The following XIRP2 variants were observed in gnomAD, a reference collection of about 807,000 sequenced individuals.
XIRP2 encodes xin actin-binding repeat-containing protein 2.
A neutral mutation model predicts 277.0 loss-of-function variants in XIRP2; 236 were observed. That is an observed-to-expected ratio of 0.85 (90% CI 0.77 to 0.95). The LOEUF is 0.95. Ranked by LOEUF, XIRP2 falls within the 40% of genes least tolerant of loss-of-function variation. The pLI is 0.00. For missense variants in XIRP2, 4,640 were observed against 4,157.5 expected (o/e 1.12, Z -3.19); for synonymous variants, 1,490 against 1,416.5 (o/e 1.05, Z -1.17).
intron 3 of XIRP2, among the ~76,000 whole-genome samples, chr2:167,169,688 T>G (rs1447369906): frequency 6.6e-6 from 1 of 152,202 alleles, no homozygotes; most frequent in African/African-American, 2.4e-5. Flanking sequence ...AGTGGTAAAG[T>G]TTCTTTAATT....
chr2:166,928,327 C>T lies in XIRP2; in HGVS notation c.408+24437C>T, dbSNP rs140419609. ...ATGTGTTATAAGCCAGTGAGCACCA[C>T]TGAGCTCTGAAAAAGCTTAGAGAGG... On this transcript the variant is annotated intron_variant, in intron 2 of 10. Transcript: ENST00000409195. Among the ~76,000 whole-genome samples the T allele has an allele frequency of 1.8e-4, 27 of 152,226 alleles. No individual in the cohort carries two copies. In the East Asian group the frequency reaches 5.0e-3, roughly 28 times the overall value.
rs150551694 is a variant in XIRP2, at chr2:167,213,804, T to G, written c.723+2909T>G. On this transcript the variant is annotated intron_variant, in intron 4 of 10. Coordinates refer to ENST00000409195, the MANE Select transcript of XIRP2 (RefSeq NM_152381.6). ...GTGTAAACTTTCATCTACCCGCAAG[T>G]GGAACAAGGAAACCTTAGCACCGCC... 7.2e-3 allele frequency among the ~76,000 whole-genome samples: 1,091 copies of G among 152,244 alleles called. 5 individuals carry two copies. The highest frequency in any genetic ancestry group is 0.011 in the Non-Finnish European group (736 of 68,006).
rs1312171158 is a variant in XIRP2 at position 167,243,838 on chromosome 2, C to T, written c.2446C>T (p.Pro816Ser). The T allele has an allele frequency of 1.9e-6, 3 of 1,613,688 alleles. No homozygotes were observed. The highest frequency in any genetic ancestry group is 2.7e-5 in the African/African-American group (2 of 74,858). The change falls in exon 9 of 11, where the codon CCT becomes TCT. Residue 816 changes from proline (P) to serine (S), a missense_variant. Coordinates refer to ENST00000409195, the MANE Select transcript of XIRP2 (RefSeq NM_152381.6). Reference sequence around the variant, plus strand: ...GGCAAAGTGGTTATTTGAAACCCAACCTTTGGAGAAAATCAAAGAGTCAGA... The same window carrying T: ...GGCAAAGTGGTTATTTGAAACCCAATCTTTGGAGAAAATCAAAGAGTCAGA... Reference protein sequence around the residue: ...SKAKWLFETQPLEKIKESEEV... With the variant: ...SKAKWLFETQSLEKIKESEEV...
At chr2:167,091,510 C>T (rs1690146580) in intron 2 of XIRP2, among the ~76,000 whole-genome samples, 1 of 152,038 alleles carries the variant, frequency 6.6e-6, no homozygotes, top group African/African-American at 2.4e-5. Context: ...CCTTTTTCTC[C>T]CTCTATAATT....
At chr2:167,051,774 CA>C (rs1553482369) in intron 2 of XIRP2, among the ~76,000 whole-genome samples, 1 of 151,966 alleles carries the variant, frequency 6.6e-6, no homozygotes, top group Non-Finnish European at 1.5e-5. Context: ...GAAATTTTGT[CA>C]AGCACATTTG....
At chr2:167,087,158 A>G (rs1223036647) in intron 2 of XIRP2, among the ~76,000 whole-genome samples, 1 of 152,048 alleles carries the variant, frequency 6.6e-6, no homozygotes. Context: ...TTTTCCTTCT[A>G]ACAGACAGGA....
intron 3 of XIRP2, among the ~76,000 whole-genome samples, chr2:167,171,278 T>C (rs1037317288): frequency 6.6e-6 from 1 of 152,116 alleles, no homozygotes; most frequent in Admixed American, 6.6e-5. Flanking sequence ...AATTTAAACA[T>C]GTTTTTAGCA....
intron 2 of XIRP2, among the ~76,000 whole-genome samples, chr2:166,934,921 G>C (rs1685451086): frequency 6.6e-6 from 1 of 152,046 alleles, no homozygotes; most frequent in African/African-American, 2.4e-5. Flanking sequence ...GTCTCAGCTA[G>C]TCGGGAAGCT....
chr2:167,220,816 G>A (rs564140971), intron 5 of XIRP2, among the ~76,000 whole-genome samples: 2 of 152,230 alleles, frequency 1.3e-5, no homozygotes, highest in East Asian at 3.9e-4. Context: ...AATATATGCT[G>A]GGTAAAAACA....
intron 2 of XIRP2, among the ~76,000 whole-genome samples, chr2:167,117,582 C>A (rs1183064863): frequency 6.6e-6 from 1 of 152,208 alleles, no homozygotes; most frequent in Non-Finnish European, 1.5e-5. Context: ...TCTCACTAAC[C>A]TTTGTGATGT....
chr2:167,024,535 T>G (rs1239438977), intron 2 of XIRP2, among the ~76,000 whole-genome samples: 1 of 152,166 alleles, frequency 6.6e-6, no homozygotes, highest in Non-Finnish European at 1.5e-5. Context: ...TTGTGCCAGT[T>G]TTCAAAGGCA....
intron 3 of XIRP2, among the ~76,000 whole-genome samples, chr2:167,204,899 T>A (rs916018279): frequency 1.3e-5 from 2 of 152,226 alleles, no homozygotes; most frequent in African/African-American, 2.4e-5. Context: ...TCATAATTTT[T>A]AAAAATATTT....
At chr2:167,140,625 AC>A (rs1255923001) in intron 3 of XIRP2, among the ~76,000 whole-genome samples, 1 of 152,112 alleles carries the variant, frequency 6.6e-6, no homozygotes, top group African/African-American at 2.4e-5. Flanking sequence ...TTGCTTCCCT[AC>A]CTACTGTACC....
chr2:167,186,737 A>G (rs1693165795), intron 3 of XIRP2, among the ~76,000 whole-genome samples: 1 of 151,786 alleles, frequency 6.6e-6, no homozygotes, highest in East Asian at 1.9e-4. Context: ...GCCAATATTA[A>G]TGAGCAGGAC....
chr2:167,197,954 T>C (rs1179094735), intron 3 of XIRP2, among the ~76,000 whole-genome samples: 1 of 152,164 alleles, frequency 6.6e-6, no homozygotes. Context: ...AAAAATAAGT[T>C]TGCCCTTTAA....
At chr2:166,934,740 TG>T (rs1685444766) in intron 2 of XIRP2, among the ~76,000 whole-genome samples, 1 of 152,084 alleles carries the variant, frequency 6.6e-6, no homozygotes, top group African/African-American at 2.4e-5. Flanking sequence ...AGGCTGGGTG[TG>T]GTGGCTCACA....
At chr2:167,104,071 C>G (rs1165846245) in intron 2 of XIRP2, among the ~76,000 whole-genome samples, 4 of 152,074 alleles carry the variant, frequency 2.6e-5, no homozygotes, top group Non-Finnish European at 4.4e-5. Flanking sequence ...AGAACAAAAA[C>G]TAAGCTCTAG....
chr2:167,244,803 T>C lies in XIRP2; in HGVS notation c.3411T>C (p.Asp1137=), dbSNP rs370317682. The change falls in exon 9 of 11, where the codon GAT becomes GAC. Residue 1137 remains aspartate, a synonymous_variant. Transcript: ENST00000409195. ...CTWLFETQPL[D]TIKDDSETAV... ...GGCTCTTTGAAACTCAGCCACTTGA[T>C]ACCATAAAAGATGACTCTGAAACAG... 6.1e-5 allele frequency: 99 copies of C among 1,613,578 alleles called. No homozygotes were observed. Among genetic ancestry groups the C allele is most frequent in the Non-Finnish European group, 8.1e-5 (95 of 1,179,774 alleles).
At chr2:166,912,294 G>A (rs1233663335) in intron 2 of XIRP2, among the ~76,000 whole-genome samples, 2 of 152,098 alleles carry the variant, frequency 1.3e-5, no homozygotes, top group Non-Finnish European at 2.9e-5. Context: ...TTTCTTGGAG[G>A]CTTTGTTCCT....
Sources: allele counts gnomAD v4.1 joint callset (sites outside exome capture counted in the v4.1 genomes callset), GRCh38; gene constraint gnomAD v4.1.1; transcripts MANE v1.5; gene names NCBI Gene and HGNC (gene_info 2026-07-23, HGNC 2026-07-21).